The following KIAA1328 variants were observed in gnomAD, a reference collection of about 807,000 sequenced individuals.
KIAA1328 encodes the protein protein hinderin.
In KIAA1328, 52 loss-of-function variants were observed where a neutral mutation model predicts 68.1. The ratio of observed to expected loss-of-function variants is 0.76; its 90% confidence interval spans 0.61 to 0.96. KIAA1328 has a LOEUF of 0.96. Ranked by LOEUF, KIAA1328 falls within the 40% of genes least tolerant of loss-of-function variation. KIAA1328 has a pLI of 0.00. For synonymous variants in KIAA1328, 232 were observed against 239.4 expected, an observed-to-expected ratio of 0.97 and a Z score of 0.28; for missense variants, 641 against 677.6, an observed-to-expected ratio of 0.95 and a Z score of 0.60.
At chr18:37,130,594 G>C (rs2058499665) in intron 7 of KIAA1328, among the ~76,000 whole-genome samples, 1 of 151,902 alleles carries the variant, frequency 6.6e-6, no homozygotes, top group South Asian at 2.1e-4. Context: ...CTCCAGCCTG[G>C]AGACAGAGTG....
intron 7 of KIAA1328, among the ~76,000 whole-genome samples, chr18:37,101,264 CT>C (rs1475078050): frequency 6.6e-6 from 1 of 152,028 alleles, no homozygotes; most frequent in African/African-American, 2.4e-5. Flanking sequence ...AGTTAAAAAC[CT>C]TGAAAAAAAA....
At chr18:37,197,188 T>C (rs2154218811) in intron 9 of KIAA1328, among the ~76,000 whole-genome samples, 1 of 152,202 alleles carries the variant, frequency 6.6e-6, no homozygotes, top group East Asian at 1.9e-4. Context: ...TCATCTCTGC[T>C]TTTATTTATT....
chr18:37,042,477 T>C (rs1291211966), intron 6 of KIAA1328, among the ~76,000 whole-genome samples: 1 of 152,244 alleles, frequency 6.6e-6, no homozygotes, highest in African/African-American at 2.4e-5. Context: ...CTATTTTGCC[T>C]TCATGCCTTC....
intron 4 of KIAA1328, among the ~76,000 whole-genome samples, chr18:36,848,133 A>G (rs1418382886): frequency 6.6e-6 from 1 of 151,674 alleles, no homozygotes. Context: ...GGAATTTTGG[A>G]TGAAGTTTAT....
chr18:37,144,774 C>G (rs2058857580), intron 7 of KIAA1328, among the ~76,000 whole-genome samples: 1 of 152,136 alleles, frequency 6.6e-6, no homozygotes. Context: ...AAGTTATCCT[C>G]CTGTCTCCAC....
intron 6 of KIAA1328, among the ~76,000 whole-genome samples, chr18:36,976,585 A>AGGAT (rs985599884): frequency 5.9e-5 from 9 of 152,208 alleles, no homozygotes; most frequent in East Asian, 1.9e-4. Flanking sequence ...GAAGAAAGGA[A>AGGAT]GGATGGATGG....
intron 7 of KIAA1328, among the ~76,000 whole-genome samples, chr18:37,093,100 C>G (rs759733516): frequency 3.3e-5 from 5 of 152,092 alleles, no homozygotes; most frequent in Non-Finnish European, 5.9e-5. Flanking sequence ...AGAATCAAAG[C>G]CAAAGCACCC....
At chr18:36,832,681 A>G (rs2046533794) in intron 1 of KIAA1328, 1 of 152,050 alleles carries the variant, frequency 6.6e-6, no homozygotes, top group Non-Finnish European at 1.5e-5. Flanking sequence ...AAATTAAATC[A>G]ATACCAATTT....
At chr18:37,075,606 C>T (rs924011056) in intron 7 of KIAA1328, 2 of 152,108 alleles carry the variant, frequency 1.3e-5, no homozygotes, top group Non-Finnish European at 2.9e-5. Context: ...TGCAGAGACA[C>T]ACATAGGCTC....
chr18:36,913,489 C>G (rs1280412245), intron 5 of KIAA1328, among the ~76,000 whole-genome samples: 1 of 115,066 alleles, frequency 8.7e-6, no homozygotes, highest in Non-Finnish European at 1.9e-5. Flanking sequence ...TACACACACA[C>G]ACACACACAC....
chr18:37,184,429 T>G (rs979772146), intron 9 of KIAA1328, among the ~76,000 whole-genome samples: 2 of 152,238 alleles, frequency 1.3e-5, no homozygotes, highest in African/African-American at 4.8e-5. Context: ...ATATCAGATA[T>G]GCTTTGCTTA....
chr18:37,181,067 A>G (rs751777972), intron 9 of KIAA1328, among the ~76,000 whole-genome samples: 7 of 152,182 alleles, frequency 4.6e-5, no homozygotes, highest in African/African-American at 1.7e-4. Context: ...TTTTTAAAGT[A>G]TGAGCTGTAA....
In KIAA1328 at chr18:36,974,355, A is replaced by G. The variant is rs144601698; in HGVS notation, c.576+14920A>G. ...CCACTCTTCTGAGTCTCCAATGTCTATTATTCCACATTATCTAGCTCTCAT... is the reference window on the plus strand; with the variant it reads ...CCACTCTTCTGAGTCTCCAATGTCTGTTATTCCACATTATCTAGCTCTCAT... On this transcript the variant is annotated intron_variant, in intron 6 of 9. Transcript: ENST00000280020. Among the ~76,000 whole-genome samples, 952 of 152,200 alleles carry G rather than the reference A, an allele frequency of 6.3e-3. 8 individuals carry two copies. The highest frequency in any genetic ancestry group is 0.021 in the African/African-American group (856 of 41,520).
intron 6 of KIAA1328, among the ~76,000 whole-genome samples, chr18:37,038,488 T>C (rs2055117960): frequency 6.6e-6 from 1 of 152,286 alleles, no homozygotes; most frequent in African/African-American, 2.4e-5. Flanking sequence ...TATTAAAATA[T>C]AGTGGATGTT....
chr18:37,094,941 T>A (rs546211537), intron 7 of KIAA1328, among the ~76,000 whole-genome samples: 1 of 141,688 alleles, frequency 7.1e-6, no homozygotes. Context: ...TTGGACAAAA[T>A]AGGTTTTATG....
chr18:37,010,880 CA>C (rs938564312), intron 6 of KIAA1328, among the ~76,000 whole-genome samples: 7 of 151,546 alleles, frequency 4.6e-5, no homozygotes, highest in African/African-American at 1.7e-4. Context: ...TTGACAGAAA[CA>C]AAAAAAATGA....
chr18:36,975,205 C>T (rs1397073210), intron 6 of KIAA1328, among the ~76,000 whole-genome samples: 21 of 120,466 alleles, frequency 1.7e-4, no homozygotes, highest in Admixed American at 1.0e-3. Flanking sequence ...TTTTTTGAGA[C>T]GGAGTCTCGC....
intron 5 of KIAA1328, among the ~76,000 whole-genome samples, chr18:36,904,299 G>T (rs2049140249): frequency 6.6e-6 from 1 of 152,048 alleles, no homozygotes. Context: ...TCACCTACTT[G>T]TTGTATCAGT....
At chr18:37,022,655 G>C (rs2054391930) in intron 6 of KIAA1328, among the ~76,000 whole-genome samples, 1 of 152,106 alleles carries the variant, frequency 6.6e-6, no homozygotes, top group Non-Finnish European at 1.5e-5. Flanking sequence ...TTCATACATT[G>C]TATTTTACAT....
Sources: allele counts gnomAD v4.1 joint callset (sites outside exome capture counted in the v4.1 genomes callset), GRCh38; gene constraint gnomAD v4.1.1; transcripts MANE v1.5; gene names NCBI Gene and HGNC (gene_info 2026-07-23, HGNC 2026-07-21).